CNTN6: variants seen among roughly 807,000 people sequenced by gnomAD.
CNTN6 encodes the protein contactin-6.
In CNTN6, 137 loss-of-function variants were observed where a neutral mutation model predicts 122.8. The observed-to-expected ratio is 1.12, with a 90% CI of 0.97 to 1.29. CNTN6 has a LOEUF of 1.29. Ranked by LOEUF, CNTN6 falls within the 50% of genes most tolerant of loss-of-function variation. The pLI, the probability that CNTN6 is intolerant of heterozygous loss-of-function variation, is 0.00. For synonymous variants in CNTN6, 570 were observed against 426.0 expected, an observed-to-expected ratio of 1.34 and a Z score of -4.16; for missense variants, 1,634 against 1,223.4, an observed-to-expected ratio of 1.34 and a Z score of -5.01.
intron 4 of CNTN6, among the ~76,000 whole-genome samples, chr3:1,265,393 A>G (rs959669336): frequency 6.6e-6 from 1 of 152,024 alleles, no homozygotes; most frequent in African/African-American, 2.4e-5. Context: ...TCTGGCTCCA[A>G]CTTTTGCTGA....
rs575222239 is a variant in CNTN6 at position 1,242,011 on chromosome 3, G to A, written c.358+14018G>A. On this transcript the variant is annotated intron_variant, in intron 4 of 22. Coordinates refer to ENST00000446702, the MANE Select transcript of CNTN6 (RefSeq NM_001289080.2). ...GACCATGCTAACCATGCCTAGGAAG[G>A]AAAGGAGTTGTTGTTTTGTAGAAGG... is the stretch of plus-strand genomic sequence containing the variant. Among the ~76,000 whole-genome samples the A allele has an allele frequency of 1.3e-4, 20 of 152,372 alleles. No homozygotes were observed. In the South Asian group the frequency reaches 4.1e-3, roughly 32 times the overall value.
At chr3:1,391,939 A>T (rs918127621) in intron 20 of CNTN6, among the ~76,000 whole-genome samples, 2 of 152,210 alleles carry the variant, frequency 1.3e-5, no homozygotes, top group Admixed American at 1.3e-4. Flanking sequence ...TTCCATGCTC[A>T]TGGGTAGGAA....
At chr3:1,332,639 G>A (rs1702484973) in intron 11 of CNTN6, among the ~76,000 whole-genome samples, 2 of 152,082 alleles carry the variant, frequency 1.3e-5, no homozygotes, top group East Asian at 1.9e-4. Flanking sequence ...GTGTGATATA[G>A]TAAAAAGATT....
intron 12 of CNTN6, among the ~76,000 whole-genome samples, chr3:1,357,013 C>T (rs1199141208): frequency 6.6e-6 from 1 of 151,838 alleles, no homozygotes; most frequent in African/African-American, 2.4e-5. Context: ...AAATTTAGTT[C>T]ACAATCTTTT....
chr3:1,158,588 C>T (rs2093030238), intron 2 of CNTN6, among the ~76,000 whole-genome samples: 1 of 148,636 alleles, frequency 6.7e-6, no homozygotes, highest in South Asian at 2.2e-4. Flanking sequence ...TTTTTTTTGG[C>T]AGCGGGCAGG....
At chr3:1,384,364 C>T (rs551177597) in intron 19 of CNTN6, among the ~76,000 whole-genome samples, 108 of 144,168 alleles carry the variant, frequency 7.5e-4, no homozygotes, top group African/African-American at 1.3e-3. Context: ...ATTGAGAAAC[C>T]TGCTTTGTGA....
At chr3:1,349,399 T>G (rs114450008) in intron 11 of CNTN6, among the ~76,000 whole-genome samples, 1,909 of 151,804 alleles carry the variant, frequency 0.013, 44 homozygotes, top group African/African-American at 0.043. Flanking sequence ...CTGTGTGTGT[T>G]TTTTTTTAAA....
At chr3:1,256,609 G>T (rs1344626326) in intron 4 of CNTN6, among the ~76,000 whole-genome samples, 1 of 152,064 alleles carries the variant, frequency 6.6e-6, no homozygotes, top group Non-Finnish European at 1.5e-5. Flanking sequence ...AATGTTACTT[G>T]AAGCCTTGGG....
chr3:1,372,429 C>T lies in CNTN6; in HGVS notation c.1623C>T (p.Val541=). 3 of 1,612,034 alleles carry T rather than the reference C, an allele frequency of 1.9e-6. No individual in the cohort carries two copies. Among genetic ancestry groups the T allele is most frequent in the East Asian group, 2.2e-5 (1 of 44,790 alleles). The part of the protein sequence containing the change: ...VVFVWFFNGD[V]IDLKKGVAHF... ...TTGTATGGTTTTTCAATGGAGATGT[C>T]ATAGACTTAAAAAAAGGAGTGGCTC... is the stretch of plus-strand genomic sequence containing the variant. The change falls in exon 13 of 23, where the codon GTC becomes GTT. Residue 541 remains valine (V), a synonymous_variant. Coordinates refer to ENST00000446702, the MANE Select transcript of CNTN6 (RefSeq NM_001289080.2).
At chr3:1,252,176 G>A (rs913233563) in intron 4 of CNTN6, among the ~76,000 whole-genome samples, 1 of 152,086 alleles carries the variant, frequency 6.6e-6, no homozygotes, top group African/African-American at 2.4e-5. Context: ...TGCCTAGCTT[G>A]CCTTTCCCTT....
At position 1,295,562 on chromosome 3, in the gene CNTN6, A is replaced by G. The variant is rs554827101; in HGVS notation, c.455-39A>G. ...TATGAATGAATGCAGTAAGGACAGT[A>G]TGGTTTTGTTTTGTTTTGTTTTGTT... On this transcript the variant is annotated intron_variant, in intron 5 of 22. Transcript: ENST00000446702. 9.5e-4 allele frequency: 1,445 copies of G among 1,515,882 alleles called. 30 individuals carry two copies. The South Asian group carries it at 0.016, about 16-fold the overall frequency. 93.9% of individuals were successfully genotyped at this position (1,515,882 alleles called of 1,614,324 possible).
At chr3:1,372,805 C>G in intron 13 of CNTN6, 33 bp from the exon 14 acceptor site, 1 of 1,311,988 alleles carries the variant, frequency 7.6e-7, no homozygotes, top group Non-Finnish European at 1.1e-6. Context: ...TATGGGCTTA[C>G]GTTTTTATCC....
At chr3:1,311,781 G>T (rs566045301) in intron 7 of CNTN6, among the ~76,000 whole-genome samples, 2 of 151,262 alleles carry the variant, frequency 1.3e-5, no homozygotes, top group African/African-American at 4.9e-5. Flanking sequence ...CTGCATATTT[G>T]TTTGTAAATT....
intron 11 of CNTN6, among the ~76,000 whole-genome samples, chr3:1,347,283 T>C (rs1481320434): frequency 2.6e-5 from 4 of 152,192 alleles, no homozygotes; most frequent in African/African-American, 9.6e-5. Flanking sequence ...ACAGAACATT[T>C]TAAATGCAAA....
At chr3:1,386,558 C>A (rs1692970978) in intron 20 of CNTN6, among the ~76,000 whole-genome samples, 1 of 152,122 alleles carries the variant, frequency 6.6e-6, no homozygotes. Context: ...CGAGGCACAG[C>A]AATAAATTGG....
At position 1,402,298 on chromosome 3, in the gene CNTN6, T is replaced by C; in HGVS notation, c.2818-20T>C. 6.3e-7 allele frequency: 1 copy of C among 1,595,614 alleles called. No homozygotes were observed. Among genetic ancestry groups the C allele is most frequent in the South Asian group, 1.1e-5 (1 of 89,710 alleles). ...GAAAAGCAACATGTCCATGTTAACT[T>C]GATACCTCATTTTATTCAGATTCTG... On this transcript the variant is annotated intron_variant, in intron 21 of 22. Transcript: ENST00000446702.
At chr3:1,363,899 T>A (rs1351967133) in intron 12 of CNTN6, among the ~76,000 whole-genome samples, 3 of 151,958 alleles carry the variant, frequency 2.0e-5, no homozygotes, top group Admixed American at 6.6e-5. Context: ...AGCTCCCTTT[T>A]TCCACACCCT....
chr3:1,324,548 C>G (rs764164214), intron 8 of CNTN6, among the ~76,000 whole-genome samples: 1 of 149,620 alleles, frequency 6.7e-6, no homozygotes, highest in Non-Finnish European at 1.5e-5. Context: ...CAGTAGTTTA[C>G]ACCTGCACTA....
intron 5 of CNTN6, among the ~76,000 whole-genome samples, chr3:1,285,849 TTACTC>T (rs1694242023): frequency 1.3e-5 from 2 of 152,170 alleles, no homozygotes; most frequent in Admixed American, 1.3e-4. Context: ...CAAGAGTTCT[TTACTC>T]TACTGGAGAC....
Sources: allele counts gnomAD v4.1 joint callset (sites outside exome capture counted in the v4.1 genomes callset), GRCh38; gene constraint gnomAD v4.1.1; transcripts MANE v1.5; gene names NCBI Gene and HGNC (gene_info 2026-07-23, HGNC 2026-07-21).